The following JMJD1C variants were observed in gnomAD, a reference collection of about 807,000 sequenced individuals.
The protein encoded by JMJD1C is jumonji domain containing 1C.
Under a neutral mutation model 245.3 loss-of-function variants are expected in JMJD1C, and 31 were observed. That is an observed-to-expected ratio of 0.13 (90% CI 0.09 to 0.17). The LOEUF (loss-of-function observed/expected upper bound fraction) is 0.17, where lower values mean the gene tolerates loss of function less well. Ranked by LOEUF, JMJD1C falls within the 10% of genes least tolerant of loss-of-function variation. The probability of loss-of-function intolerance (pLI) is 1.00; values close to 1 mark genes in which losing one functional copy is unlikely to be tolerated. For missense variants in JMJD1C, 2,691 were observed against 3,000.2 expected (o/e 0.90, Z 2.41); for synonymous variants, 1,057 against 1,017.4 (o/e 1.04, Z -0.74).
intron 2 of JMJD1C, among the ~76,000 whole-genome samples, chr10:63,316,766 T>C (rs546454925): frequency 6.6e-6 from 1 of 152,276 alleles, no homozygotes; most frequent in South Asian, 2.1e-4. Flanking sequence ...TACATTTTTA[T>C]GTAGTAATGT....
chr10:63,243,459 G>A (rs954889860), intron 3 of JMJD1C, among the ~76,000 whole-genome samples: 2 of 152,090 alleles, frequency 1.3e-5, no homozygotes, highest in Non-Finnish European at 2.9e-5. Flanking sequence ...CTGGGAAGCG[G>A]AAGTTGCGCT....
At chr10:63,457,468 G>A (rs1952486286) in intron 1 of JMJD1C, among the ~76,000 whole-genome samples, 1 of 152,090 alleles carries the variant, frequency 6.6e-6, no homozygotes, top group South Asian at 2.1e-4. Context: ...GCAGATTTGT[G>A]AGTAATTATG....
intron 1 of JMJD1C, among the ~76,000 whole-genome samples, chr10:63,500,723 C>G (rs572086427): frequency 2.5e-5 from 3 of 120,126 alleles, no homozygotes; most frequent in African/African-American, 2.9e-5. Context: ...AAGACTGTCT[C>G]GATGGATGGA....
intron 2 of JMJD1C, among the ~76,000 whole-genome samples, chr10:63,349,529 GCATGTATTAGCAATAA>G (rs1437376419): frequency 2.2e-4 from 33 of 152,332 alleles, no homozygotes; most frequent in African/African-American, 7.7e-4. Context: ...GGATAGCCAG[GCATGTATTAGCAATAA>G]CTGTATCTCA....
At chr10:63,191,979 GTC>G (rs1271811698) in intron 16 of JMJD1C, among the ~76,000 whole-genome samples, 1 of 52,296 alleles carries the variant, frequency 1.9e-5, no homozygotes, top group Non-Finnish European at 3.2e-5. Flanking sequence ...GTGAGACTCT[GTC>G]TCAAAAAAAA....
intron 3 of JMJD1C, among the ~76,000 whole-genome samples, chr10:63,262,576 T>C (rs1055385690): frequency 6.6e-6 from 1 of 152,206 alleles, no homozygotes; most frequent in Admixed American, 6.5e-5. Flanking sequence ...AGTGCTCTCA[T>C]GTTAATTCCT....
chr10:63,314,699 G>A (rs907168620), intron 2 of JMJD1C, among the ~76,000 whole-genome samples: 2 of 151,626 alleles, frequency 1.3e-5, no homozygotes, highest in African/African-American at 4.8e-5. Context: ...CCAGGCTGGA[G>A]TGTAATGGTG....
chr10:63,485,078 T>A (rs1379908345), intron 1 of JMJD1C, among the ~76,000 whole-genome samples: 1 of 151,254 alleles, frequency 6.6e-6, no homozygotes, highest in Non-Finnish European at 1.5e-5. Flanking sequence ...CTCATAAAGA[T>A]TAAAATAAAT....
chr10:63,281,965 G>A (rs902658282), intron 2 of JMJD1C, among the ~76,000 whole-genome samples: 2 of 152,138 alleles, frequency 1.3e-5, no homozygotes, highest in African/African-American at 4.8e-5. Flanking sequence ...CCATCCTCAA[G>A]GAGTAGGACA....
intron 21 of JMJD1C, among the ~76,000 whole-genome samples, chr10:63,184,162 T>C (rs1236281036): frequency 6.6e-6 from 1 of 151,964 alleles, no homozygotes; most frequent in East Asian, 1.9e-4. Flanking sequence ...CTTAACCTCA[T>C]GATCCACCCA....
In JMJD1C at chr10:63,215,381, A is replaced by G. The variant is rs367929683; in HGVS notation, c.897T>C (p.Asn299=). 3 of 1,613,706 alleles carry G rather than the reference A, an allele frequency of 1.9e-6. No individual in the cohort carries two copies. The highest frequency in any genetic ancestry group is 1.7e-5 in the Admixed American group (1 of 59,954). Residue 299 remains asparagine (N), a synonymous_variant, in exon 7 of 26, where the codon AAT becomes AAC. Transcript: ENST00000399262. The part of the protein sequence containing the change: ...MNSQAAVPKQ[N]THQQQQQRSI... ...TTCTTTGTTGCTGTTGCTGGTGTGT[A>G]TTCTGTTTTGGTACAGCAGCTTGGG...
At chr10:63,496,758 C>A (rs906455412) in intron 1 of JMJD1C, among the ~76,000 whole-genome samples, 3 of 152,184 alleles carry the variant, frequency 2.0e-5, no homozygotes, top group African/African-American at 7.2e-5. Flanking sequence ...TATTTCCCTG[C>A]TCAATTCTTA....
At chr10:63,365,057 T>C (rs561460010) in intron 2 of JMJD1C, among the ~76,000 whole-genome samples, 6 of 152,332 alleles carry the variant, frequency 3.9e-5, no homozygotes, top group African/African-American at 1.4e-4. Flanking sequence ...ATTCTACCTA[T>C]GCCAGCTTGG....
Position 63,382,012 on chromosome 10 carries a change from G to C in JMJD1C, c.169-1530C>G, listed in dbSNP as rs1947258206. ...GGATCACCTGAGGTCAGGAGTTCGA[G>C]ACCATCCTGGCCACAGAGTGAAACA... On this transcript the variant is annotated intron_variant, in intron 1 of 25. Transcript: ENST00000399262. Among the ~76,000 whole-genome samples, 3 of 152,112 alleles carry C rather than the reference G, an allele frequency of 2.0e-5. No homozygotes were observed. The South Asian group carries it at 6.2e-4, about 32-fold the overall frequency.
At chr10:63,297,945 G>A (rs574357837) in intron 2 of JMJD1C, among the ~76,000 whole-genome samples, 1 of 152,186 alleles carries the variant, frequency 6.6e-6, no homozygotes, top group Non-Finnish European at 1.5e-5. Flanking sequence ...CTTTTTGGGG[G>A]CTCTGCAGAT....
rs71025144 is a variant in JMJD1C, at chr10:63,281,458, CTTTTTTTTTTTTTTT to C, written c.334-16709_334-16695del. On this transcript the variant is annotated intron_variant, in intron 2 of 25. Coordinates refer to ENST00000399262, the MANE Select transcript of JMJD1C (RefSeq NM_032776.3). ...ACAGGCGTGAGCCACTGCGCCTGGC[CTTTTTTTTTTTTTTT>C]TTTTTTTTTTTTTTTGAGACGGAGT... Among the ~76,000 whole-genome samples the C allele has an allele frequency of 4.4e-4, 29 of 65,390 alleles. 1 individual carries two copies. Among genetic ancestry groups the C allele is most frequent in the Admixed American group, 3.0e-3 (13 of 4,400 alleles). 42.9% of individuals were successfully genotyped at this position (65,390 alleles called of 152,430 possible).
At chr10:63,416,341 C>A (rs1949802181) in intron 1 of JMJD1C, among the ~76,000 whole-genome samples, 1 of 122,436 alleles carries the variant, frequency 8.2e-6, no homozygotes, top group African/African-American at 2.9e-5. Context: ...CAGCATTTAT[C>A]TTAGTTTTTT....
At chr10:63,369,232 C>T (rs1470684330) in intron 2 of JMJD1C, among the ~76,000 whole-genome samples, 1 of 151,970 alleles carries the variant, frequency 6.6e-6, no homozygotes, top group African/African-American at 2.4e-5. Flanking sequence ...CAACCTCTGC[C>T]TTCCAGGTTC....
intron 2 of JMJD1C, among the ~76,000 whole-genome samples, chr10:63,377,400 T>C (rs560672051): frequency 2.6e-5 from 4 of 152,296 alleles, no homozygotes; most frequent in Non-Finnish European, 4.4e-5. Context: ...GCAAATTTTA[T>C]GTTAAGTACA....
Sources: allele counts gnomAD v4.1 joint callset (sites outside exome capture counted in the v4.1 genomes callset), GRCh38; gene constraint gnomAD v4.1.1; transcripts MANE v1.5; gene names NCBI Gene and HGNC (gene_info 2026-07-23, HGNC 2026-07-21).